EXOC4: variants seen among roughly 807,000 people sequenced by gnomAD.
The protein encoded by EXOC4 is SEC8-like 1.
Under a neutral mutation model 107.2 loss-of-function variants are expected in EXOC4, and 71 were observed. The ratio of observed to expected loss-of-function variants is 0.66; its 90% CI spans 0.55 to 0.81. EXOC4 has a LOEUF of 0.81. Ranked by LOEUF, EXOC4 falls within the 30% of genes least tolerant of loss-of-function variation. The pLI is 0.00. For missense variants in EXOC4, 1,108 were observed against 1,189.6 expected (o/e 0.93, Z 1.01); for synonymous variants, 456 against 441.2 (o/e 1.03, Z -0.42).
At chr7:133,451,131 C>G (rs1304128042) in intron 7 of EXOC4, among the ~76,000 whole-genome samples, 2 of 152,088 alleles carry the variant, frequency 1.3e-5, no homozygotes, top group Non-Finnish European at 2.9e-5. Flanking sequence ...CGTGTTAACT[C>G]TCTTCCGTTG....
chr7:133,861,923 G>A (rs118009624), intron 11 of EXOC4, among the ~76,000 whole-genome samples: 2,254 of 152,254 alleles, frequency 0.015, 16 homozygotes, highest in Middle Eastern at 0.027. Flanking sequence ...TAGAGGACAG[G>A]TACCTTTCAT....
chr7:133,286,927 A>G (rs574279685), intron 2 of EXOC4, among the ~76,000 whole-genome samples: 1 of 152,186 alleles, frequency 6.6e-6, no homozygotes, highest in African/African-American at 2.4e-5. Context: ...GTGGGGGAGG[A>G]AATTACCCAT....
At chr7:133,966,894 A>G (rs1236691600) in intron 14 of EXOC4, among the ~76,000 whole-genome samples, 1 of 152,206 alleles carries the variant, frequency 6.6e-6, no homozygotes, top group Non-Finnish European at 1.5e-5. Flanking sequence ...TAGTTTCATA[A>G]GGAATGGCAC....
At chr7:133,851,417 C>G (rs1028858330) in intron 11 of EXOC4, among the ~76,000 whole-genome samples, 2 of 152,222 alleles carry the variant, frequency 1.3e-5, no homozygotes. Flanking sequence ...CTCCTGAGCT[C>G]AACCCGTCTT....
intron 10 of EXOC4, among the ~76,000 whole-genome samples, chr7:133,725,500 C>T (rs906611965): frequency 6.6e-5 from 10 of 152,062 alleles, no homozygotes; most frequent in Admixed American, 2.6e-4. Flanking sequence ...CTCAGCCTCC[C>T]GAGTAGCTGG....
At chr7:133,369,536 C>T (rs1428127264) in intron 6 of EXOC4, among the ~76,000 whole-genome samples, 3 of 152,028 alleles carry the variant, frequency 2.0e-5, no homozygotes, top group African/African-American at 7.2e-5. Flanking sequence ...TCCCTGGCTT[C>T]CTTCTTCCTC....
chr7:134,059,633 A>T (rs891521421), intron 17 of EXOC4, among the ~76,000 whole-genome samples: 1 of 152,166 alleles, frequency 6.6e-6, no homozygotes, highest in African/African-American at 2.4e-5. Flanking sequence ...CTTTTAACTA[A>T]TTCTGTTTTT....
intron 14 of EXOC4, among the ~76,000 whole-genome samples, chr7:133,989,892 G>A (rs948869991): frequency 5.3e-5 from 8 of 152,184 alleles, no homozygotes; most frequent in Admixed American, 2.6e-4. Context: ...AGGGAAGGAG[G>A]TAGCCAAGCA....
chr7:133,817,496 C>G lies in EXOC4; in HGVS notation c.1686C>G (p.Ala562=). The change falls in exon 11 of 18, where the codon GCC becomes GCG. Residue 562 remains alanine, a synonymous_variant. Coordinates refer to ENST00000253861, the MANE Select transcript of EXOC4 (RefSeq NM_021807.4). The stretch of plus-strand genomic sequence containing the variant: ...CATCTGACCCTTTGAAGATTCTGGC[C>G]AACGCAGACACCATGAAGGTGCTGG... ...TKTSDPLKIL[A]NADTMKVLGV... 6.2e-7 allele frequency: 1 copy of G among 1,614,102 alleles called. No homozygotes were observed.
rs540429657 is a variant in EXOC4 at position 133,803,286 on chromosome 7, T to A, written c.1515-14039T>A. ...TGATAAAGCATGTATTTCTTGAATT[T>A]TTCCATTACTTTGAAAACAGGAAAC... is the stretch of plus-strand genomic sequence containing the variant. On this transcript the variant is annotated intron_variant, in intron 10 of 17. Transcript: ENST00000253861. Among the ~76,000 whole-genome samples, 6 of 152,334 alleles carry A rather than the reference T, an allele frequency of 3.9e-5. No individual in the cohort carries two copies. The South Asian group carries it at 1.2e-3, about 32-fold the overall frequency.
chr7:133,582,088 T>G (rs1004638667), intron 9 of EXOC4, among the ~76,000 whole-genome samples: 1 of 152,158 alleles, frequency 6.6e-6, no homozygotes, highest in African/African-American at 2.4e-5. Context: ...AGATGAGATA[T>G]GTGTGGGGAC....
intron 11 of EXOC4, among the ~76,000 whole-genome samples, chr7:133,838,202 CGTT>C (rs1042782359): frequency 1.3e-5 from 2 of 152,230 alleles, no homozygotes; most frequent in South Asian, 2.1e-4. Context: ...CTTATTTACT[CGTT>C]GTTTTTGTAC....
rs1002617386 is a variant in EXOC4, at chr7:133,590,503, A to G, written c.1418-39542A>G. On this transcript the variant is annotated intron_variant, in intron 9 of 17. Transcript: ENST00000253861. ...ATGCTGCCCTTTCTAAAATTACCCT[A>G]GCCTGCTCTGCCCCATCCTGTACCC... is the stretch of plus-strand genomic sequence containing the variant. 2.6e-5 allele frequency among the ~76,000 whole-genome samples: 4 copies of G among 152,190 alleles called. No individual in the cohort carries two copies. In the South Asian group the frequency reaches 8.3e-4, roughly 32 times the overall value.
chr7:133,479,869 G>A (rs555205446), intron 8 of EXOC4, among the ~76,000 whole-genome samples, 181 bp from the exon 9 acceptor site: 118 of 152,270 alleles, frequency 7.7e-4, no homozygotes, highest in African/African-American at 2.5e-3. Flanking sequence ...CAGGAATATC[G>A]CTCATAAATC....
At chr7:133,774,539 A>G (rs1263762300) in intron 10 of EXOC4, among the ~76,000 whole-genome samples, 1 of 152,180 alleles carries the variant, frequency 6.6e-6, no homozygotes, top group Non-Finnish European at 1.5e-5. Context: ...AACTCAAATT[A>G]TTACTGATCA....
chr7:134,003,978 T>C (rs1794585715), intron 15 of EXOC4, among the ~76,000 whole-genome samples: 1 of 152,142 alleles, frequency 6.6e-6, no homozygotes, highest in African/African-American at 2.4e-5. Context: ...TTCCTCAAGC[T>C]GTCAGATATG....
intron 14 of EXOC4, among the ~76,000 whole-genome samples, chr7:133,991,541 G>A (rs1396349718): frequency 4.6e-5 from 7 of 152,030 alleles, no homozygotes; most frequent in African/African-American, 1.7e-4. Context: ...ATGTCCTGTA[G>A]CATTTCCCCA....
intron 14 of EXOC4, among the ~76,000 whole-genome samples, chr7:133,980,732 C>A (rs1014551729): frequency 6.6e-6 from 1 of 152,160 alleles, no homozygotes; most frequent in Non-Finnish European, 1.5e-5. Context: ...TCTCAACTGG[C>A]ATAAACACAG....
chr7:133,990,451 T>C (rs1450935363), intron 14 of EXOC4, among the ~76,000 whole-genome samples: 2 of 152,122 alleles, frequency 1.3e-5, no homozygotes, highest in Non-Finnish European at 2.9e-5. Flanking sequence ...AGGATTTTAT[T>C]CTTTTTGTTT....
Sources: gnomAD v4.1 joint callset for allele counts (sites outside exome capture counted in the v4.1 genomes callset) on GRCh38, gnomAD v4.1.1 for gene constraint, MANE v1.5 for transcripts, NCBI Gene and HGNC (gene_info 2026-07-23, HGNC 2026-07-21) for gene names.